GPI: variants seen among roughly 807,000 people sequenced by gnomAD.
GPI encodes D-hexose-6-phosphate anomerase.
Under a neutral mutation model 75.8 loss-of-function variants are expected in GPI, and 56 were observed. The ratio of observed to expected loss-of-function variants is 0.74; its 90% CI spans 0.60 to 0.92. The LOEUF (loss-of-function observed/expected upper bound fraction) is 0.92, where lower values mean the gene tolerates loss of function less well. GPI is among the 40% of genes least tolerant of loss of function. The pLI is 0.00. For synonymous variants in GPI, 288 were observed against 285.4 expected (o/e 1.01, Z -0.09); for missense variants, 638 against 741.0 (o/e 0.86, Z 1.61).
intron 9 of GPI, among the ~76,000 whole-genome samples, chr19:34,392,016 G>A (rs530133405): frequency 0.011 from 1,191 of 112,418 alleles, no homozygotes; most frequent in Non-Finnish European, 0.018. Context: ...CAGGTATAAG[G>A]ATCTGGGTCT....
upstream of GPI, among the ~76,000 whole-genome samples, chr19:34,360,926 C>T (rs143743840): frequency 2.9e-3 from 434 of 152,042 alleles, 3 homozygotes; most frequent in African/African-American, 9.4e-3. Flanking sequence ...TACAGGTGTC[C>T]GCCACCACGC....
At position 34,377,786 on chromosome 19, in the gene GPI, C is replaced by T. The variant is rs769204005; in HGVS notation, c.538C>T (p.Arg180Cys). 19 of 1,613,792 alleles carry T rather than the reference C, an allele frequency of 1.2e-5. No homozygotes were observed. Among genetic ancestry groups the T allele is most frequent in the South Asian group, 3.3e-5 (3 of 91,078 alleles). Residue 180 changes from arginine to cysteine, a missense_variant, in exon 6 of 18, where the codon CGC becomes TGC. Physicochemically the swap from Arg to Cys is radical, Grantham distance 180. Transcript: ENST00000356487. ...TAAGCCATACTCTTCAGGAGGTCCC[C>T]GCGTCTGGTATGTCTCCAACATTGA... The part of the protein sequence containing the change: ...ALKPYSSGGP[R>C]VWYVSNIDGT...
At chr19:34,362,214 GA>G (rs1424245255), upstream of GPI, among the ~76,000 whole-genome samples, 2 of 152,140 alleles carry the variant, frequency 1.3e-5, no homozygotes, top group African/African-American at 4.8e-5. Flanking sequence ...TTGAACCTGG[GA>G]GGTGGAGGTT....
chr19:34,364,019 A>ATTTTC (rs550153142), upstream of GPI, among the ~76,000 whole-genome samples: 5 of 151,148 alleles, frequency 3.3e-5, no homozygotes, highest in South Asian at 2.1e-4. Context: ...GCCTTTCCCT[A>ATTTTC]TTTTCTTTTC....
chr19:34,366,156 C>G (rs2074360757), intron 1 of GPI, 189 bp from the exon 2 acceptor site: 6 of 698,956 alleles, frequency 8.6e-6, no homozygotes, highest in Admixed American at 6.0e-5. Context: ...GCTTCTTTCT[C>G]TGGGCTGCTG....
chr19:34,383,383 C>T (rs997895452), intron 9 of GPI, among the ~76,000 whole-genome samples: 2 of 152,166 alleles, frequency 1.3e-5, no homozygotes, highest in African/African-American at 4.8e-5. Context: ...TATGTATGTG[C>T]ATATGTCAGC....
At chr19:34,365,130 G>T (rs1228794729), upstream of GPI, 1 of 1,263,664 alleles carries the variant, frequency 7.9e-7, no homozygotes, top group African/African-American at 1.6e-5. Flanking sequence ...GGGGCTCAGG[G>T]GTGGGGCCGG....
chr19:34,399,588 T>C lies in GPI; in HGVS notation c.1431T>C (p.Ile477=), dbSNP rs543065808. 19 of 1,614,056 alleles carry C rather than the reference T, an allele frequency of 1.2e-5. No individual in the cohort carries two copies. The highest frequency in any genetic ancestry group is 3.3e-4 in the Middle Eastern group (2 of 6,084). Reference sequence around the variant, plus strand: ...AAGGAAATCGCCCAACCAACTCTATTGTGTTCACCAAGCTCACACCATTCA... The same window carrying C: ...AAGGAAATCGCCCAACCAACTCTATCGTGTTCACCAAGCTCACACCATTCA... ...VFEGNRPTNS[I]VFTKLTPFML... The change falls in exon 16 of 18, where the codon ATT becomes ATC. Residue 477 remains isoleucine, a synonymous_variant. Transcript: ENST00000356487.
At chr19:34,362,818 G>T (rs2074308146), upstream of GPI, among the ~76,000 whole-genome samples, 1 of 152,200 alleles carries the variant, frequency 6.6e-6, no homozygotes, top group Admixed American at 6.5e-5. Context: ...AAAAAGCAGA[G>T]ACTTTCTGCT....
rs1297430177 is a variant in GPI, at chr19:34,399,309, G to A, written c.1372G>A (p.Asp458Asn). 7 of 1,614,016 alleles carry A rather than the reference G, an allele frequency of 4.3e-6. No homozygotes were observed. The highest frequency in any genetic ancestry group is 2.7e-5 in the African/African-American group (2 of 74,940). The change falls in exon 15 of 18, where the codon GAC becomes AAC. Residue 458 changes from aspartate (D) to asparagine (N), a missense_variant. By Grantham distance (23) the Asp-to-Asn change is conservative (BLOSUM62 1). Coordinates refer to ENST00000356487, the MANE Select transcript of GPI (RefSeq NM_000175.5). ...ELQAAGKSPEDLERLLPHKVF... is the reference protein window; with the variant it reads ...ELQAAGKSPENLERLLPHKVF... ...CCAGGCTGCGGGCAAGAGTCCAGAG[G>A]ACCTTGAGAGGCTGCTGCCACATAA...
intron 9 of GPI, among the ~76,000 whole-genome samples, chr19:34,391,708 C>G (rs558615208): frequency 4.0e-3 from 1 of 248 alleles, no homozygotes; most frequent in Admixed American, 0.042. Flanking sequence ...GGATCTGGTA[C>G]AGTTGTGAGG....
chr19:34,377,983 G>C, intron 6 of GPI, 102 bp downstream of exon 6: 1 of 1,211,180 alleles, frequency 8.3e-7, no homozygotes, highest in Admixed American at 1.7e-5. Flanking sequence ...CTTTTGGTGG[G>C]TTCCGAGTGA....
chr19:34,393,968 C>T lies in GPI; in HGVS notation c.964C>T (p.Leu322=). The change falls in exon 12 of 18, where the codon CTG becomes TTG. Residue 322 remains leucine (L), a synonymous_variant. Coordinates refer to ENST00000356487, the MANE Select transcript of GPI (RefSeq NM_000175.5). The surrounding 1 kb of genome is among the most constrained non-coding windows in gnomAD (Gnocchi z 4.4). ...GAAGAACGCCCCCGTCTTGCTGGCC[C>T]TGCTGGGTATCTGGTACATCAACTG... ...LEKNAPVLLA[L]LGIWYINCFG... The T allele has an allele frequency of 6.2e-7, 1 of 1,613,738 alleles. No individual in the cohort carries two copies. The highest frequency in any genetic ancestry group is 2.2e-5 in the East Asian group (1 of 44,876).
At position 34,366,421 on chromosome 19, in the gene GPI, A is replaced by G. The variant is rs529844631; in HGVS notation, c.199A>G (p.Met67Val). The change falls in exon 2 of 18, where the codon ATG (methionine) becomes GTG (valine). Residue 67 changes from methionine (M) to valine (V), a missense_variant. By Grantham distance (21) the Met-to-Val change is conservative (BLOSUM62 1). Transcript: ENST00000356487. ...CCTGGTGACGGAGGACGTGATGCGG[A>G]TGCTGGTGGACTTGGTAATGTTCTG... Reference protein sequence around the residue: ...KNLVTEDVMRMLVDLAKSRGV... With the variant: ...KNLVTEDVMRVLVDLAKSRGV... 1.9e-6 allele frequency: 3 copies of G among 1,611,208 alleles called. No homozygotes were observed. Among genetic ancestry groups the G allele is most frequent in the Non-Finnish European group, 1.7e-6 (2 of 1,177,312 alleles).
chr19:34,380,968 C>T, intron 8 of GPI: 2 of 266,970 alleles, frequency 7.5e-6, no homozygotes, highest in East Asian at 9.3e-5. Flanking sequence ...GACCAGAATA[C>T]CTGATGGCTC....
chr19:34,373,743 C>G (rs1286809477), intron 4 of GPI, among the ~76,000 whole-genome samples: 1 of 152,050 alleles, frequency 6.6e-6, no homozygotes, highest in Non-Finnish European at 1.5e-5. Flanking sequence ...AGGTTGCAGT[C>G]AAGATGTTGG....
At chr19:34,392,459 G>C (rs889405743) in intron 9 of GPI, 1 of 20,354 alleles carries the variant, frequency 4.9e-5, no homozygotes, top group African/African-American at 2.5e-4. Context: ...TCTGGCCCTG[G>C]TATGAGGATC....
chr19:34,377,881 G>A lies in GPI; in HGVS notation c.633G>A (p.Lys211=). 1.2e-6 allele frequency: 2 copies of A among 1,614,106 alleles called. No homozygotes were observed. The highest frequency in any genetic ancestry group is 1.7e-6 in the Non-Finnish European group (2 of 1,180,000). Residue 211 remains lysine (K), a splice_region_variant and synonymous_variant, in exon 6 of 18, where the codon AAG becomes AAA. Coordinates refer to ENST00000356487, the MANE Select transcript of GPI (RefSeq NM_000175.5). ...PESSLFIIAS[K]TFTTQETITN... is the part of the protein sequence containing the mutation. ...CCTCCCTGTTCATCATTGCCTCCAAGGTATGAGTGCCGAAAACTGCCCGGC... is the reference window on the plus strand; with the variant it reads ...CCTCCCTGTTCATCATTGCCTCCAAAGTATGAGTGCCGAAAACTGCCCGGC...
In GPI at chr19:34,368,044, T is replaced by C. The variant is rs116397206; in HGVS notation, c.283-539T>C. ...CAGGCGATTCTCTGCCTCAGATTCC[T>C]GAGTAGCTGGAACTACAGGTGTGTG... On this transcript the variant is annotated intron_variant, in intron 3 of 17. Coordinates refer to ENST00000356487, the MANE Select transcript of GPI (RefSeq NM_000175.5). 5.2e-3 allele frequency among the ~76,000 whole-genome samples: 792 copies of C among 152,340 alleles called. 6 individuals are homozygous for C. Among genetic ancestry groups the C allele is most frequent in the African/African-American group, 0.018 (754 of 41,582 alleles).
Sources: allele counts gnomAD v4.1 joint callset (sites outside exome capture counted in the v4.1 genomes callset), GRCh38; gene constraint gnomAD v4.1.1; non-coding constraint Gnocchi (gnomAD v3.1); transcripts MANE v1.5; gene names NCBI Gene and HGNC (gene_info 2026-07-23, HGNC 2026-07-21).